The following GRM5 variants were observed in gnomAD, a reference collection of about 807,000 sequenced individuals.
GRM5 encodes metabotropic glutamate receptor 5.
GRM5 carries 19 observed loss-of-function variants against 83.1 expected under a neutral mutation model. That is an observed-to-expected ratio of 0.23 (90% CI 0.16 to 0.34). The LOEUF (loss-of-function observed/expected upper bound fraction) is 0.34. Ranked by LOEUF, GRM5 falls within the 10% of genes least tolerant of loss-of-function variation. GRM5 has a pLI of 1.00. For missense variants in GRM5, 1,160 were observed against 1,588.3 expected, an observed-to-expected ratio of 0.73 and a Z score of 4.58; for synonymous variants, 675 against 633.6, an observed-to-expected ratio of 1.07 and a Z score of -0.98.
intron 2 of GRM5, among the ~76,000 whole-genome samples, chr11:89,031,649 A>G (rs958314726): frequency 2.0e-5 from 3 of 152,060 alleles, no homozygotes; most frequent in Admixed American, 1.3e-4. Flanking sequence ...TAAATTGTGC[A>G]TAAGATAATT....
At chr11:88,773,017 A>G (rs1221094921) in intron 3 of GRM5, among the ~76,000 whole-genome samples, 1 of 152,226 alleles carries the variant, frequency 6.6e-6, no homozygotes. Flanking sequence ...TCCTTGAGGA[A>G]TCACCACACT....
chr11:88,508,772 G>A lies in GRM5; in HGVS notation c.3459C>T (p.Ala1153=), dbSNP rs1463194321. 6.7e-7 allele frequency: 1 copy of A among 1,483,748 alleles called. No individual in the cohort carries two copies. Among genetic ancestry groups the A allele is most frequent in the African/African-American group, 1.5e-5 (1 of 68,088 alleles). The allele number at this position is 1,483,748 out of a possible 1,614,324, so 91.9% of individuals were successfully genotyped here. A position where few individuals can be genotyped will look rare whatever the true frequency, so the allele number is the denominator to read the frequency against. The change falls in exon 10 of 10, where the codon GCC becomes GCT. Residue 1153 remains alanine (A), a synonymous_variant. Coordinates refer to ENST00000305447, the MANE Select transcript of GRM5 (RefSeq NM_001143831.3). This position sits in a 1 kb window ranked among gnomAD's most constrained non-coding sequence, Gnocchi z 4.2. Reference sequence around the variant, plus strand: ...CCACCAGCTCCTCCAGGTCTGGCTTGGCGGCCGCAGCCTCGGGACCGGCCG... The same window carrying A: ...CCACCAGCTCCTCCAGGTCTGGCTTAGCGGCCGCAGCCTCGGGACCGGCCG... ...SPAAGPEAAA[A]KPDLEELVAL...
intron 3 of GRM5, among the ~76,000 whole-genome samples, chr11:88,675,568 G>A (rs1010221677): frequency 9.9e-5 from 15 of 151,830 alleles, no homozygotes; most frequent in South Asian, 4.2e-4. Context: ...AGAACAACCC[G>A]AAGCTATATA....
chr11:88,808,353 T>A (rs563136893), intron 3 of GRM5, among the ~76,000 whole-genome samples: 3 of 152,158 alleles, frequency 2.0e-5, no homozygotes, highest in Admixed American at 2.0e-4. Context: ...ATGCAGGGTA[T>A]GTATTTACCA....
chr11:88,528,010 A>AT (rs1941920846), intron 8 of GRM5, among the ~76,000 whole-genome samples: 1 of 152,050 alleles, frequency 6.6e-6, no homozygotes, highest in African/African-American at 2.4e-5. Flanking sequence ...GTGATGAAAT[A>AT]ATCTGCATAT....
Position 89,047,663 on chromosome 11 carries a change from C to T in GRM5, c.210G>A (p.Glu70=), listed in dbSNP as rs530125028. 1.2e-6 allele frequency: 2 copies of T among 1,613,552 alleles called. No homozygotes were observed. The highest frequency in any genetic ancestry group is 2.7e-5 in the African/African-American group (2 of 74,910). ...VREQYGIQRV[E]AMLHTLERIN... is the part of the protein sequence containing the mutation. ...TCCTTTCCAGGGTATGCAGCATGGC[C>T]TCCACTCTCTGAATGCCATACTGTT... Residue 70 remains glutamate, a synonymous_variant, in exon 2 of 10, where the codon GAG becomes GAA. Coordinates refer to ENST00000305447, the MANE Select transcript of GRM5 (RefSeq NM_001143831.3). This position sits in a 1 kb window ranked among gnomAD's most constrained non-coding sequence, Gnocchi z 5.1.
At chr11:89,024,388 G>A (rs1404383122) in intron 2 of GRM5, among the ~76,000 whole-genome samples, 1 of 152,166 alleles carries the variant, frequency 6.6e-6, no homozygotes, top group Non-Finnish European at 1.5e-5. Flanking sequence ...ATTATCTGCA[G>A]CCTCCTTTAA....
intron 2 of GRM5, among the ~76,000 whole-genome samples, chr11:89,023,699 A>T (rs1941048895): frequency 6.6e-6 from 1 of 151,820 alleles, no homozygotes; most frequent in Non-Finnish European, 1.5e-5. Flanking sequence ...AATTAAAAAA[A>T]AATATTCAGG....
rs574178528 is a variant in GRM5 at position 89,034,060 on chromosome 11, A to G, written c.661+13152T>C. Among the ~76,000 whole-genome samples the G allele has an allele frequency of 9.6e-4, 141 of 147,526 alleles. 1 individual carries two copies. Among genetic ancestry groups the G allele is most frequent in the Non-Finnish European group, 1.9e-3 (124 of 66,308 alleles). ...TAATTAGATAATTATTATGAGGTCG[A>G]ATAGTCCTAAAAATAAATTGTTTCA... On this transcript the variant is annotated intron_variant, in intron 2 of 9. Coordinates refer to ENST00000305447, the MANE Select transcript of GRM5 (RefSeq NM_001143831.3).
At chr11:88,781,583 A>G (rs16914832) in intron 3 of GRM5, among the ~76,000 whole-genome samples, 3,831 of 152,208 alleles carry the variant, frequency 0.025, 169 homozygotes, top group African/African-American at 0.088. Flanking sequence ...GTCATCATAA[A>G]TACATTTGAT....
intron 3 of GRM5, among the ~76,000 whole-genome samples, chr11:88,805,633 G>C (rs918663595): frequency 5.3e-5 from 8 of 152,160 alleles, no homozygotes; most frequent in African/African-American, 1.9e-4. Flanking sequence ...GTATTGATTT[G>C]ACTATGAATC....
At chr11:88,724,756 G>A (rs1466566779) in intron 3 of GRM5, among the ~76,000 whole-genome samples, 1 of 152,122 alleles carries the variant, frequency 6.6e-6, no homozygotes, top group Non-Finnish European at 1.5e-5. Context: ...CCCATGGAGG[G>A]TGAGCTGAAG....
At position 88,506,874 on chromosome 11, in the gene GRM5, G is replaced by A. The variant is rs577563381; in HGVS notation, c.*1718C>T. The stretch of plus-strand genomic sequence containing the variant: ...ATACTTACCAAAGTAAGGATATTGA[G>A]CTAAAAGAAAAAGTTTTATTTATTA... On this transcript the variant is annotated 3_prime_UTR_variant, in exon 10 of 10. Coordinates refer to ENST00000305447, the MANE Select transcript of GRM5 (RefSeq NM_001143831.3). 2.0e-5 allele frequency: 3 copies of A among 152,048 alleles called. No individual in the cohort carries two copies. Among genetic ancestry groups the A allele is most frequent in the African/African-American group, 7.3e-5 (3 of 41,364 alleles). The allele number at this position is 152,048 out of a possible 1,614,324, so 9.4% of individuals were successfully genotyped here.
At chr11:88,577,602 C>T (rs987113899) in intron 7 of GRM5, among the ~76,000 whole-genome samples, 7 of 152,072 alleles carry the variant, frequency 4.6e-5, no homozygotes, top group Non-Finnish European at 1.0e-4. Flanking sequence ...ATTCTTATTA[C>T]CTTCTTTAAT....
intron 3 of GRM5, among the ~76,000 whole-genome samples, chr11:88,725,257 C>A (rs973278729): frequency 2.6e-5 from 4 of 152,104 alleles, no homozygotes; most frequent in African/African-American, 9.7e-5. Flanking sequence ...ACAGTGTAAA[C>A]AAAGCCACCA....
intron 2 of GRM5, among the ~76,000 whole-genome samples, chr11:89,014,986 A>T (rs1940813419): frequency 6.6e-6 from 1 of 152,236 alleles, no homozygotes; most frequent in African/African-American, 2.4e-5. Context: ...TAGGGCGGCC[A>T]GAACCCTATT....
At chr11:88,981,977 C>A (rs1939538643) in intron 2 of GRM5, among the ~76,000 whole-genome samples, 1 of 152,112 alleles carries the variant, frequency 6.6e-6, no homozygotes, top group Non-Finnish European at 1.5e-5. Context: ...TCCTACAATG[C>A]AAGATAACTT....
chr11:89,005,357 T>C (rs1940495717), intron 2 of GRM5, among the ~76,000 whole-genome samples: 1 of 151,990 alleles, frequency 6.6e-6, no homozygotes, highest in Admixed American at 6.6e-5. Context: ...ATAACAGGAG[T>C]CAGGAAGAAC....
At chr11:88,588,969 T>C (rs904038219) in intron 7 of GRM5, among the ~76,000 whole-genome samples, 1 of 152,188 alleles carries the variant, frequency 6.6e-6, no homozygotes, top group African/African-American at 2.4e-5. Context: ...AATATTTATC[T>C]GTTGAAATAA....
Sources: allele counts gnomAD v4.1 joint callset (sites outside exome capture counted in the v4.1 genomes callset), GRCh38; gene constraint gnomAD v4.1.1; non-coding constraint Gnocchi (gnomAD v3.1); transcripts MANE v1.5; gene names NCBI Gene and HGNC (gene_info 2026-07-23, HGNC 2026-07-21).